SPRR2G: variants seen among roughly 807,000 people sequenced by gnomAD.
SPRR2G encodes the protein small proline-rich protein 2G.
A neutral mutation model predicts 0.7 loss-of-function variants in SPRR2G; 1 was observed. That is an observed-to-expected ratio of 1.49 (90% CI 0.53 to 7.06). The LOEUF (loss-of-function observed/expected upper bound fraction) is 7.06. Ranked by LOEUF, SPRR2G falls within the 30% of genes most tolerant of loss-of-function variation. The probability of loss-of-function intolerance (pLI) is 0.14; values close to 1 mark genes in which losing one functional copy is unlikely to be tolerated. For missense variants in SPRR2G, 96 were observed against 88.5 expected (o/e 1.09, Z -0.34); for synonymous variants, 38 against 33.9 (o/e 1.12, Z -0.42).
At chr1:153,166,251 C>T in the SPRR2G span, among the ~76,000 whole-genome samples, 2 of 152,106 alleles carry the variant, frequency 1.3e-5, no homozygotes, top group African/African-American at 4.8e-5. Flanking sequence ...AGATTTCTGC[C>T]CTGCCTTGTA....
the SPRR2G span, among the ~76,000 whole-genome samples, chr1:153,183,098 C>T: frequency 6.8e-6 from 1 of 147,866 alleles, no homozygotes. Flanking sequence ...GACAGAGTTT[C>T]ACTCTTGTTG....
At chr1:153,185,330 G>C in the SPRR2G span, among the ~76,000 whole-genome samples, 1 of 135,850 alleles carries the variant, frequency 7.4e-6, no homozygotes, top group African/African-American at 3.0e-5. Flanking sequence ...GAATCCTTCT[G>C]GTCCTGGGCT....
At chr1:153,177,520 ATT>A in the SPRR2G span, among the ~76,000 whole-genome samples, 2 of 152,128 alleles carry the variant, frequency 1.3e-5, no homozygotes, top group Non-Finnish European at 2.9e-5. Context: ...TTTGTCATTA[ATT>A]TTAATATTAG....
chr1:153,181,719 A>G, the SPRR2G span, among the ~76,000 whole-genome samples: 3 of 151,880 alleles, frequency 2.0e-5, no homozygotes, highest in Non-Finnish European at 4.4e-5. Flanking sequence ...ACCTCCATCC[A>G]GTTTCATCCA....
At chr1:153,181,648 C>T in the SPRR2G span, among the ~76,000 whole-genome samples, 9 of 151,504 alleles carry the variant, frequency 5.9e-5, no homozygotes, top group African/African-American at 2.2e-4. Context: ...TTAGCTCCCA[C>T]ATATGATGGA....
chr1:153,192,426 A>G, the SPRR2G span, among the ~76,000 whole-genome samples: 1 of 152,252 alleles, frequency 6.6e-6, no homozygotes, highest in African/African-American at 2.4e-5. Flanking sequence ...AAACCACATC[A>G]TAGTCAATTG....
chr1:153,188,226 G>T, the SPRR2G span, among the ~76,000 whole-genome samples: 1 of 152,202 alleles, frequency 6.6e-6, no homozygotes, highest in Non-Finnish European at 1.5e-5. Flanking sequence ...AGTAGAGCTT[G>T]AGCACTGTGC....
At chr1:153,160,918 A>G in the SPRR2G span, among the ~76,000 whole-genome samples, 1 of 151,628 alleles carries the variant, frequency 6.6e-6, no homozygotes, top group Non-Finnish European at 1.5e-5. Flanking sequence ...GCCATAAAAA[A>G]TGATGAGTCC....
the SPRR2G span, among the ~76,000 whole-genome samples, chr1:153,166,790 T>G: frequency 6.6e-6 from 1 of 152,316 alleles, no homozygotes; most frequent in African/African-American, 2.4e-5. Context: ...AAAACTCTCT[T>G]GGGACAACTG....
chr1:153,190,886 C>G, the SPRR2G span: 5 of 151,792 alleles, frequency 3.3e-5, no homozygotes, highest in Non-Finnish European at 7.4e-5. Context: ...TTTTCTCTCT[C>G]TGCTTCCCAA....
At chr1:153,160,379 G>A in the SPRR2G span, among the ~76,000 whole-genome samples, 1 of 152,196 alleles carries the variant, frequency 6.6e-6, no homozygotes, top group South Asian at 2.1e-4. Context: ...TGAGAATGCA[G>A]CTATCTCTTA....
chr1:153,153,637 A>C (rs1656518577), upstream of SPRR2G, among the ~76,000 whole-genome samples: 1 of 152,120 alleles, frequency 6.6e-6, no homozygotes, highest in Non-Finnish European at 1.5e-5. Context: ...GAAGGTAGAG[A>C]GGGTAGAAGA....
At chr1:153,161,672 C>T in the SPRR2G span, among the ~76,000 whole-genome samples, 1 of 152,092 alleles carries the variant, frequency 6.6e-6, no homozygotes, top group African/African-American at 2.4e-5. Context: ...TAGGACTCAC[C>T]TAAGAGACCC....
the SPRR2G span, among the ~76,000 whole-genome samples, chr1:153,166,804 C>G: frequency 6.6e-6 from 1 of 152,170 alleles, no homozygotes. Flanking sequence ...ACAACTGATA[C>G]CATCCACACA....
At chr1:153,181,258 GT>G in the SPRR2G span, among the ~76,000 whole-genome samples, 2 of 151,902 alleles carry the variant, frequency 1.3e-5, no homozygotes, top group African/African-American at 2.4e-5. Flanking sequence ...GTTTTTGGTT[GT>G]GTAATATATT....
At chr1:153,157,140 A>G in the SPRR2G span, among the ~76,000 whole-genome samples, 1 of 152,228 alleles carries the variant, frequency 6.6e-6, no homozygotes, top group Non-Finnish European at 1.5e-5. Flanking sequence ...GAAAACTAGC[A>G]TAAGTTGGGG....
At chr1:153,194,677 T>A in the SPRR2G span, among the ~76,000 whole-genome samples, 2 of 152,228 alleles carry the variant, frequency 1.3e-5, no homozygotes, top group African/African-American at 2.4e-5. Flanking sequence ...CTTCCCAAAC[T>A]TTTTGCTTTT....
At chr1:153,158,359 G>T in the SPRR2G span, among the ~76,000 whole-genome samples, 1 of 152,240 alleles carries the variant, frequency 6.6e-6, no homozygotes, top group Non-Finnish European at 1.5e-5. Context: ...TCCCATGCAA[G>T]TCTGAAACCT....
the SPRR2G span, among the ~76,000 whole-genome samples, chr1:153,162,642 C>A: frequency 6.6e-6 from 1 of 152,042 alleles, no homozygotes; most frequent in Admixed American, 6.6e-5. Flanking sequence ...AAGTGAGGGG[C>A]CGCAGGGTCC....
Sources: gnomAD v4.1 joint callset for allele counts (sites outside exome capture counted in the v4.1 genomes callset) on GRCh38, gnomAD v4.1.1 for gene constraint, MANE v1.5 for transcripts, NCBI Gene and HGNC (gene_info 2026-07-23, HGNC 2026-07-21) for gene names.